Variants in UBXN2A observed in about 807,000 individuals in gnomAD.
UBXN2A encodes the protein UBX domain-containing protein 2A.
A neutral mutation model predicts 28.4 loss-of-function variants in UBXN2A; 28 were observed. That is an observed-to-expected ratio of 0.99 (90% CI 0.73 to 1.35). The LOEUF (loss-of-function observed/expected upper bound fraction) is 1.35. Ranked by LOEUF, UBXN2A falls within the 40% of genes most tolerant of loss-of-function variation. The probability of loss-of-function intolerance (pLI) is 0.00; values close to 1 mark genes in which losing one functional copy is unlikely to be tolerated. For synonymous variants in UBXN2A, 97 were observed against 103.6 expected, an observed-to-expected ratio of 0.94 and a Z score of 0.39; for missense variants, 253 against 297.9, an observed-to-expected ratio of 0.85 and a Z score of 1.11.
At chr2:23,948,541 G>T (rs540423926) in intron 1 of UBXN2A, among the ~76,000 whole-genome samples, 1 of 151,892 alleles carries the variant, frequency 6.6e-6, no homozygotes, top group Admixed American at 6.6e-5. Flanking sequence ...GCGTGAGCTT[G>T]AAGATGTTTC....
intron 1 of UBXN2A, among the ~76,000 whole-genome samples, chr2:23,946,927 AC>A (rs1706115937): frequency 7.2e-6 from 1 of 139,420 alleles, no homozygotes; most frequent in Non-Finnish European, 1.5e-5. Flanking sequence ...TCTCACTCTT[AC>A]CCAGGCTGAA....
chr2:23,984,923 A>T (rs1708064151), intron 6 of UBXN2A, 92 bp downstream of exon 6: 4 of 1,372,420 alleles, frequency 2.9e-6, no homozygotes, highest in Non-Finnish European at 3.9e-6. Context: ...TTTTTTAGAG[A>T]TAGAATCTTT....
At chr2:23,992,971 G>A (rs1339176068) in intron 6 of UBXN2A, among the ~76,000 whole-genome samples, 1 of 152,114 alleles carries the variant, frequency 6.6e-6, no homozygotes, top group Non-Finnish European at 1.5e-5. Context: ...ACTCTGCAAG[G>A]AGGTTTCTGT....
intron 3 of UBXN2A, among the ~76,000 whole-genome samples, chr2:23,971,759 G>C: frequency 6.6e-6 from 1 of 151,912 alleles, no homozygotes; most frequent in East Asian, 1.9e-4. Flanking sequence ...CAAAGTGCTG[G>C]GATTATAGGT....
At chr2:23,985,497 C>T (rs113202748) in intron 6 of UBXN2A, among the ~76,000 whole-genome samples, 3,442 of 152,228 alleles carry the variant, frequency 0.023, 68 homozygotes, top group Non-Finnish European at 0.031. Flanking sequence ...AGTGATCTGC[C>T]CGCTTTGGCC....
intron 6 of UBXN2A, among the ~76,000 whole-genome samples, chr2:23,994,608 T>C (rs1051358248): frequency 8.5e-5 from 13 of 152,244 alleles, no homozygotes; most frequent in Non-Finnish European, 1.6e-4. Context: ...AATTCTACTG[T>C]CACTTGTAGA....
intron 2 of UBXN2A, among the ~76,000 whole-genome samples, chr2:23,958,615 A>T (rs1397168308): frequency 6.6e-6 from 1 of 152,236 alleles, no homozygotes; most frequent in South Asian, 2.1e-4. Context: ...GATAAATTAA[A>T]TAACTATTTA....
intron 4 of UBXN2A, among the ~76,000 whole-genome samples, chr2:23,978,729 G>A (rs112866529): frequency 6.6e-6 from 1 of 151,670 alleles, no homozygotes; most frequent in Admixed American, 6.6e-5. Context: ...TTTGGGAGGC[G>A]GAGGCGGGTG....
intron 2 of UBXN2A, among the ~76,000 whole-genome samples, chr2:23,965,883 C>T (rs1409077509): frequency 6.6e-6 from 1 of 152,050 alleles, no homozygotes; most frequent in Non-Finnish European, 1.5e-5. Flanking sequence ...GATTTAATTC[C>T]CTTAGTATGC....
intron 4 of UBXN2A, among the ~76,000 whole-genome samples, chr2:23,981,176 C>CAGGCCAGGT (rs1339378494): frequency 2.0e-5 from 3 of 151,824 alleles, no homozygotes; most frequent in Non-Finnish European, 4.4e-5. Flanking sequence ...CACAAAGGTA[C>CAGGCCAGGT]AGGCCAGGTA....
At chr2:23,932,718 A>G (rs1003234654) in intron 1 of UBXN2A, among the ~76,000 whole-genome samples, 5 of 152,274 alleles carry the variant, frequency 3.3e-5, no homozygotes, top group Admixed American at 2.0e-4. Flanking sequence ...TGAAGCAAAC[A>G]TAAATCATCT....
chr2:23,982,624 C>T (rs1396545832), intron 4 of UBXN2A, among the ~76,000 whole-genome samples: 2 of 152,012 alleles, frequency 1.3e-5, no homozygotes, highest in Admixed American at 6.6e-5. Flanking sequence ...CCTGTCTCTA[C>T]AGAAAATTTA....
At chr2:23,989,306 C>CT (rs78978613) in intron 6 of UBXN2A, among the ~76,000 whole-genome samples, 22,843 of 137,030 alleles carry the variant, frequency 0.17, 1,973 homozygotes, top group Middle Eastern at 0.27. Flanking sequence ...GTATTTATTC[C>CT]TTTTTTTTTT....
chr2:23,986,702 G>A (rs1708147276), intron 6 of UBXN2A, among the ~76,000 whole-genome samples: 1 of 151,548 alleles, frequency 6.6e-6, no homozygotes, highest in South Asian at 2.1e-4. Context: ...TCATCCCCCG[G>A]GTTCAAGCGA....
chr2:23,939,085 G>A (rs890121141), upstream of UBXN2A, among the ~76,000 whole-genome samples: 2 of 152,030 alleles, frequency 1.3e-5, no homozygotes, highest in Non-Finnish European at 2.9e-5. Context: ...CTGAGTCCCC[G>A]CACTAAAGAC....
chr2:23,987,099 A>G (rs1156826442), intron 6 of UBXN2A, among the ~76,000 whole-genome samples: 1 of 119,180 alleles, frequency 8.4e-6, no homozygotes, highest in Non-Finnish European at 2.0e-5. Context: ...TCTCAAAAGG[A>G]AAAAAAAAAA....
intron 1 of UBXN2A, among the ~76,000 whole-genome samples, chr2:23,953,503 C>T (rs1246256977): frequency 1.3e-5 from 2 of 152,202 alleles, no homozygotes; most frequent in Non-Finnish European, 2.9e-5. Context: ...CATCGTCACA[C>T]CCTAAAAATT....
At chr2:23,949,936 A>G (rs1247083547) in intron 1 of UBXN2A, among the ~76,000 whole-genome samples, 1 of 152,082 alleles carries the variant, frequency 6.6e-6, no homozygotes, top group Non-Finnish European at 1.5e-5. Context: ...TTACATGGAT[A>G]TATTGTACAG....
chr2:23,975,080 T>A (rs1275453209), intron 3 of UBXN2A, among the ~76,000 whole-genome samples: 1 of 152,092 alleles, frequency 6.6e-6, no homozygotes, highest in African/African-American at 2.4e-5. Context: ...TAAATATAAA[T>A]TTTTTTATAT....
Sources: gnomAD v4.1 joint callset for allele counts (sites outside exome capture counted in the v4.1 genomes callset) on GRCh38, gnomAD v4.1.1 for gene constraint, MANE v1.5 for transcripts, NCBI Gene and HGNC (gene_info 2026-07-23, HGNC 2026-07-21) for gene names.